Variants in THSD7B observed in about 807,000 individuals in gnomAD.
THSD7B encodes the protein thrombospondin type-1 domain-containing protein 7B.
In THSD7B, 138 loss-of-function variants were observed where a neutral mutation model predicts 213.6. The ratio of observed to expected loss-of-function variants is 0.65; its 90% confidence interval spans 0.56 to 0.74. THSD7B has a LOEUF of 0.74. Among genes scored for constraint, THSD7B ranks in the 30% least tolerant of loss-of-function variants. The probability of loss-of-function intolerance (pLI) is 0.00; values close to 1 mark genes in which losing one functional copy is unlikely to be tolerated. For missense variants in THSD7B, 1,931 were observed against 1,991.5 expected (o/e 0.97, Z 0.58); for synonymous variants, 742 against 687.0 (o/e 1.08, Z -1.25).
At chr2:137,469,003 T>A (rs879752892) in intron 15 of THSD7B, among the ~76,000 whole-genome samples, 1 of 152,230 alleles carries the variant, frequency 6.6e-6, no homozygotes, top group Non-Finnish European at 1.5e-5. Flanking sequence ...TTTATGTAGT[T>A]GATTAGGCCA....
chr2:137,129,871 A>T (rs565297214), intron 5 of THSD7B, among the ~76,000 whole-genome samples: 1 of 152,334 alleles, frequency 6.6e-6, no homozygotes, highest in Non-Finnish European at 1.5e-5. Context: ...AATAGTCCTA[A>T]TTCTAAATAT....
At chr2:137,651,329 A>T (rs1026789612) in intron 21 of THSD7B, among the ~76,000 whole-genome samples, 3 of 151,946 alleles carry the variant, frequency 2.0e-5, no homozygotes, top group Non-Finnish European at 4.4e-5. Flanking sequence ...GAATTTATCA[A>T]TTTAGTCTAA....
chr2:137,430,150 G>T (rs1158267479), intron 14 of THSD7B, among the ~76,000 whole-genome samples: 3 of 152,078 alleles, frequency 2.0e-5, no homozygotes, highest in Non-Finnish European at 2.9e-5. Context: ...GGGAAACTGA[G>T]GTGGGAGGAC....
chr2:137,222,539 A>G (rs1419315209), intron 7 of THSD7B, among the ~76,000 whole-genome samples: 1 of 152,172 alleles, frequency 6.6e-6, no homozygotes, highest in Non-Finnish European at 1.5e-5. Context: ...ATGTCATCAG[A>G]TCATATTTTG....
intron 14 of THSD7B, among the ~76,000 whole-genome samples, chr2:137,414,358 G>GA (rs151064504): frequency 0.079 from 11,878 of 151,232 alleles, 980 homozygotes; most frequent in African/African-American, 0.2. Context: ...GTCTATCAAA[G>GA]AAAAAAAAAT....
chr2:137,166,674 A>T (rs1159035711), intron 6 of THSD7B, among the ~76,000 whole-genome samples: 1 of 152,216 alleles, frequency 6.6e-6, no homozygotes, highest in Non-Finnish European at 1.5e-5. Flanking sequence ...ATTAGATAAC[A>T]TGCTAAAGTT....
chr2:137,436,328 T>A (rs779855642), intron 14 of THSD7B, among the ~76,000 whole-genome samples: 1 of 152,168 alleles, frequency 6.6e-6, no homozygotes, highest in Non-Finnish European at 1.5e-5. Context: ...TAGTATCAGT[T>A]AGATATTATC....
intron 15 of THSD7B, among the ~76,000 whole-genome samples, chr2:137,521,935 T>G (rs1174969041): frequency 6.6e-6 from 1 of 152,228 alleles, no homozygotes; most frequent in Non-Finnish European, 1.5e-5. Context: ...CATGATTTTT[T>G]AGCACAAGAT....
intron 14 of THSD7B, among the ~76,000 whole-genome samples, chr2:137,422,905 G>A (rs534700253): frequency 6.6e-6 from 1 of 152,236 alleles, no homozygotes; most frequent in South Asian, 2.1e-4. Flanking sequence ...GGGCCTTATA[G>A]CCTGGTCTGT....
intron 1 of THSD7B, among the ~76,000 whole-genome samples, chr2:136,866,753 T>C (rs1319944797): frequency 6.6e-6 from 1 of 152,208 alleles, no homozygotes; most frequent in Non-Finnish European, 1.5e-5. Context: ...GGTTCTTACT[T>C]CAGTTTTGGA....
At chr2:136,994,418 T>A (rs1384228668) in intron 2 of THSD7B, among the ~76,000 whole-genome samples, 2 of 151,524 alleles carry the variant, frequency 1.3e-5, no homozygotes, top group African/African-American at 4.8e-5. Flanking sequence ...TAAAAAAAAA[T>A]TAGCTGGGCG....
chr2:136,793,481 G>A (rs997243218), intron 1 of THSD7B, among the ~76,000 whole-genome samples: 2 of 151,918 alleles, frequency 1.3e-5, no homozygotes, highest in African/African-American at 2.4e-5. Context: ...AGTGTGTGGG[G>A]TTATCTTTTG....
At chr2:137,562,060 C>T (rs1041346827) in intron 15 of THSD7B, among the ~76,000 whole-genome samples, 1 of 152,132 alleles carries the variant, frequency 6.6e-6, no homozygotes, top group Non-Finnish European at 1.5e-5. Flanking sequence ...ACCTAACATG[C>T]TGACAGTGCT....
intron 2 of THSD7B, among the ~76,000 whole-genome samples, chr2:137,046,015 T>A (rs1406728116): frequency 1.3e-5 from 2 of 152,092 alleles, no homozygotes; most frequent in Non-Finnish European, 2.9e-5. Context: ...TCTTCAACTT[T>A]TTTTTTTCAT....
intron 25 of THSD7B, among the ~76,000 whole-genome samples, 152 bp from the exon 26 acceptor site, chr2:137,663,231 A>G (rs1392611435): frequency 6.6e-6 from 1 of 152,210 alleles, no homozygotes; most frequent in Non-Finnish European, 1.5e-5. Flanking sequence ...TGAACTATGT[A>G]TTTGATTTTC....
intron 5 of THSD7B, among the ~76,000 whole-genome samples, chr2:137,146,111 A>G (rs1679696718): frequency 6.6e-6 from 1 of 152,150 alleles, no homozygotes; most frequent in South Asian, 2.1e-4. Flanking sequence ...AAAAATTCAT[A>G]AAATTCTACA....
chr2:137,170,848 T>A lies in THSD7B; in HGVS notation c.1633T>A (p.Trp545Arg). 6.2e-7 allele frequency: 1 copy of A among 1,613,718 alleles called. No homozygotes were observed. The highest frequency in any genetic ancestry group is 8.5e-7 in the Non-Finnish European group (1 of 1,179,788). The change falls in exon 7 of 28, where the codon TGG becomes AGG. Residue 545 changes from tryptophan (W) to arginine (R), a missense_variant. Transcript: ENST00000409968. ...VPCEDPMCYRWLASEGICFPD... is the reference protein window; with the variant it reads ...VPCEDPMCYRRLASEGICFPD... Reference sequence around the variant, plus strand: ...TTGTGAGGATCCAATGTGCTACCGATGGCTGGCATCAGAAGGGATCTGTTT... The same window carrying A: ...TTGTGAGGATCCAATGTGCTACCGAAGGCTGGCATCAGAAGGGATCTGTTT...
chr2:137,145,776 A>G (rs750721358), intron 5 of THSD7B, among the ~76,000 whole-genome samples: 17 of 152,094 alleles, frequency 1.1e-4, no homozygotes, highest in Admixed American at 3.3e-4. Flanking sequence ...TACTTTGAAA[A>G]ATTCATTTTA....
intron 2 of THSD7B, among the ~76,000 whole-genome samples, chr2:136,911,291 A>AT (rs1684252768): frequency 6.6e-6 from 1 of 152,160 alleles, no homozygotes; most frequent in African/African-American, 2.4e-5. Flanking sequence ...TAATGTTGAA[A>AT]TTGCTCTTTA....
Sources: gnomAD v4.1 joint callset for allele counts (sites outside exome capture counted in the v4.1 genomes callset) on GRCh38, gnomAD v4.1.1 for gene constraint, MANE v1.5 for transcripts, NCBI Gene and HGNC (gene_info 2026-07-23, HGNC 2026-07-21) for gene names.